The following TAF5L variants were observed in gnomAD, a reference collection of about 807,000 sequenced individuals.
TAF5L encodes TAF5-like RNA polymerase II p300/CBP-associated factor-associated factor 65 kDa subunit 5L.
A neutral mutation model predicts 51.3 loss-of-function variants in TAF5L; 7 were observed. The ratio of observed to expected loss-of-function variants is 0.14; its 90% CI spans 0.08 to 0.26. The LOEUF (loss-of-function observed/expected upper bound fraction) is 0.26. Among genes scored for constraint, TAF5L ranks in the 10% least tolerant of loss-of-function variants. TAF5L has a pLI of 1.00. For synonymous variants in TAF5L, 291 were observed against 308.1 expected, an observed-to-expected ratio of 0.94 and a Z score of 0.58; for missense variants, 575 against 758.9, an observed-to-expected ratio of 0.76 and a Z score of 2.85.
intron 2 of TAF5L, chr1:229,614,018 G>C: frequency 1.7e-6 from 1 of 591,948 alleles, no homozygotes; most frequent in Non-Finnish European, 3.0e-6. Context: ...GTCCCTAAGG[G>C]TCTTGTAGGT....
At chr1:229,623,403 C>G (rs554546508) in intron 1 of TAF5L, among the ~76,000 whole-genome samples, 21 of 152,356 alleles carry the variant, frequency 1.4e-4, no homozygotes, top group African/African-American at 4.6e-4. Flanking sequence ...CTGGACCAAT[C>G]CTTGGTTCTT....
chr1:229,607,561 C>A (rs1664641572), intron 3 of TAF5L: 9 of 841,348 alleles, frequency 1.1e-5, no homozygotes, highest in African/African-American at 1.8e-5. Flanking sequence ...TGACTTAAAG[C>A]CTACCTCCTG....
In TAF5L at chr1:229,602,706, T is replaced by C. The variant is rs761848507; in HGVS notation, c.461A>G (p.Lys154Arg). The change falls in exon 4 of 5, where the codon AAG becomes AGG. Residue 154 changes from lysine (K) to arginine (R), a missense_variant. Around this residue, in one of 3 missense-constraint regions of TAF5L, gnomAD observed 380 missense variants for 443.7 expected, o/e 0.86. Coordinates refer to ENST00000258281, the Ensembl canonical transcript of TAF5L. The surrounding 1 kb of genome is among the most constrained non-coding windows in gnomAD (Gnocchi z 4.6). The stretch of plus-strand genomic sequence containing the variant: ...CTTGTTATCTAGGAATGCTCGAAGC[T>C]TGAAGTTAGATAGGATGTCCTGGAT... 9 of 1,614,046 alleles carry C rather than the reference T, an allele frequency of 5.6e-6. No homozygotes were observed. In the African/African-American group the frequency reaches 9.3e-5, roughly 17 times the overall value.
intron 1 of TAF5L, among the ~76,000 whole-genome samples, chr1:229,618,958 T>C (rs1028855608): frequency 2.6e-5 from 4 of 152,254 alleles, no homozygotes; most frequent in African/African-American, 9.6e-5. Flanking sequence ...GCAAACTCAC[T>C]ACACAATCCT....
Position 229,602,924 on chromosome 1 carries a change from A to G in TAF5L, c.248-5T>C, listed in dbSNP as rs1225927870. ...GGCTATGCTGGGAATCAGAATCTAT[A>G]ATGAAAGAAAAAGAAGGCTTTATAA... On this transcript the variant is annotated splice_polypyrimidine_tract_variant and splice_region_variant and intron_variant, in intron 3 of 4. Transcript: ENST00000258281. The surrounding 1 kb of genome is among the most constrained non-coding windows in gnomAD (Gnocchi z 4.6). 2 of 1,579,104 alleles carry G rather than the reference A, an allele frequency of 1.3e-6. No homozygotes were observed. The highest frequency in any genetic ancestry group is 3.6e-5 in the Admixed American group (2 of 55,448).
In TAF5L at chr1:229,602,390, G is replaced by C. The variant is rs1328214834; in HGVS notation, c.777C>G (p.Ile259Met). ...CTGTGTTATAGAAGGCATAGAAGCAGATGGTAGTGAGGGAGGGAGGCCCAT... is the reference window on the plus strand; with the variant it reads ...CTGTGTTATAGAAGGCATAGAAGCACATGGTAGTGAGGGAGGGAGGCCCAT... Residue 259 changes from isoleucine (I) to methionine (M), a missense_variant, in exon 4 of 5, where the codon ATC becomes ATG. Physicochemically the swap from Ile to Met is conservative, Grantham distance 10 (BLOSUM62 1). This residue lies in a region of TAF5L where 380 missense variants were observed against 443.7 expected (regional missense o/e 0.86). Transcript: ENST00000258281. The surrounding 1 kb of genome is among the most constrained non-coding windows in gnomAD (Gnocchi z 4.6). 1.2e-6 allele frequency: 2 copies of C among 1,614,190 alleles called. No individual in the cohort carries two copies. Among genetic ancestry groups the C allele is most frequent in the Admixed American group, 1.7e-5 (1 of 60,026 alleles).
At chr1:229,597,610 C>G (rs951531354) in intron 4 of TAF5L, among the ~76,000 whole-genome samples, 1 of 152,220 alleles carries the variant, frequency 6.6e-6, no homozygotes, top group Non-Finnish European at 1.5e-5. Context: ...TCACTTCTCT[C>G]TCCTGCCGAC....
intron 3 of TAF5L, among the ~76,000 whole-genome samples, chr1:229,609,058 G>T (rs1206891309): frequency 6.6e-6 from 1 of 152,056 alleles, no homozygotes; most frequent in Admixed American, 6.6e-5. Context: ...TCCTTCATTC[G>T]TTCAGCCTGT....
chr1:229,605,371 C>T (rs376343245), intron 3 of TAF5L, among the ~76,000 whole-genome samples: 15 of 152,120 alleles, frequency 9.9e-5, no homozygotes, highest in African/African-American at 3.1e-4. Context: ...TTTGCATTCT[C>T]CTCCGGGGAA....
intron 1 of TAF5L, among the ~76,000 whole-genome samples, chr1:229,624,432 A>G (rs1665345662): frequency 6.6e-6 from 1 of 152,202 alleles, no homozygotes; most frequent in Admixed American, 6.5e-5. Context: ...GACTACAGGG[A>G]ACCTAGAAGG....
chr1:229,624,242 C>T (rs1665333208), intron 1 of TAF5L, among the ~76,000 whole-genome samples: 1 of 152,182 alleles, frequency 6.6e-6, no homozygotes, highest in African/African-American at 2.4e-5. Flanking sequence ...CTCACATTTA[C>T]AGGCAGGAGC....
chr1:229,625,794 C>A lies in TAF5L; in HGVS notation c.-4+91G>T, dbSNP rs1665435186. On this transcript the variant is annotated intron_variant, in intron 1 of 4. Coordinates refer to ENST00000258281, the Ensembl canonical transcript of TAF5L. This position sits in a 1 kb window ranked among gnomAD's most constrained non-coding sequence, Gnocchi z 4.0. Reference sequence around the variant, plus strand: ...CGGCGGGAGCCAAGGCGCGCCCCGCCGAGGCCCCACCGCCCCGGCCCCCGC... The same window carrying A: ...CGGCGGGAGCCAAGGCGCGCCCCGCAGAGGCCCCACCGCCCCGGCCCCCGC... The A allele has an allele frequency of 7.3e-6, 1 of 137,412 alleles. No individual in the cohort carries two copies. The allele number at this position is 137,412 out of a possible 1,614,324, so 8.5% of individuals were successfully genotyped here.
rs367750184 is a variant in TAF5L, at chr1:229,594,855, G to C, written c.1212C>G (p.His404Gln). Residue 404 changes from histidine to glutamine, a missense_variant, in exon 5 of 5, where the codon CAC becomes CAG. Physicochemically the swap from His to Gln is conservative, Grantham distance 24. Around this residue, in one of 3 missense-constraint regions of TAF5L, gnomAD observed 104 missense variants for 218.3 expected, o/e 0.48. Coordinates refer to ENST00000258281, the Ensembl canonical transcript of TAF5L. The surrounding 1 kb of genome is among the most constrained non-coding windows in gnomAD (Gnocchi z 7.9). ...ATGACCACAGCCTGGCGGTGCGGTC[G>C]TGGGACCCGCTGGCGAAGTACAGGC... 1 of 1,614,168 alleles carries C rather than the reference G, an allele frequency of 6.2e-7. No individual in the cohort carries two copies. Among genetic ancestry groups the C allele is most frequent in the Non-Finnish European group, 8.5e-7 (1 of 1,180,028 alleles).
At chr1:229,621,398 ACATACC>A (rs11279802) in intron 1 of TAF5L, among the ~76,000 whole-genome samples, 20,461 of 152,108 alleles carry the variant, frequency 0.13, 2,059 homozygotes, top group East Asian at 0.42. Flanking sequence ...GAAGTTATTA[ACATACC>A]CATCCACCTT....
At chr1:229,611,882 T>G (rs1410562622) in intron 2 of TAF5L, among the ~76,000 whole-genome samples, 1 of 152,192 alleles carries the variant, frequency 6.6e-6, no homozygotes, top group Non-Finnish European at 1.5e-5. Flanking sequence ...TTTCAACTAT[T>G]TAGTGACCCC....
intron 3 of TAF5L, chr1:229,606,835 C>G: frequency 1.0e-6 from 1 of 985,414 alleles, no homozygotes; most frequent in Non-Finnish European, 1.2e-6. Flanking sequence ...ATAGGACCTA[C>G]GGCAATAGGT....
In TAF5L at chr1:229,614,466, G is replaced by A. The variant is rs772903409; in HGVS notation, c.17C>T (p.Thr6Ile). Residue 6 changes from threonine to isoleucine, a missense_variant, in exon 2 of 5, where the codon ACC (threonine) becomes ATC (isoleucine). Around this residue, in one of 3 missense-constraint regions of TAF5L, gnomAD observed 380 missense variants for 443.7 expected, o/e 0.86. Transcript: ENST00000258281. ...GGACACTGCCATCTGAATCTGCTCG[G>A]TACGCACTCGTTTCATGACCTTCAA... The A allele has an allele frequency of 3.3e-5, 53 of 1,614,040 alleles. No homozygotes were observed. In the South Asian group the frequency reaches 5.7e-4, roughly 17 times the overall value.
At chr1:229,617,656 A>T (rs1665056274) in intron 1 of TAF5L, among the ~76,000 whole-genome samples, 1 of 152,230 alleles carries the variant, frequency 6.6e-6, no homozygotes, top group Admixed American at 6.5e-5. Flanking sequence ...GCAATGACAC[A>T]GTGTCCTCAA....
In TAF5L at chr1:229,602,341, T is replaced by C; in HGVS notation, c.826A>G (p.Ile276Val). The C allele has an allele frequency of 2.5e-6, 4 of 1,614,078 alleles. No individual in the cohort carries two copies. Among genetic ancestry groups the C allele is most frequent in the Non-Finnish European group, 3.4e-6 (4 of 1,180,012 alleles). ...GCAAGCAGCTTGCTATCGGGGGAGA[T>C]TTCTGCAGTGTTCAACAGCTGCTCT... Residue 276 changes from isoleucine (I) to valine (V), a missense_variant, in exon 4 of 5, where the codon ATC becomes GTC. This residue lies in a region of TAF5L where 380 missense variants were observed against 443.7 expected (regional missense o/e 0.86). Coordinates refer to ENST00000258281, the Ensembl canonical transcript of TAF5L. The surrounding 1 kb of genome is among the most constrained non-coding windows in gnomAD (Gnocchi z 4.6).
Sources: allele counts gnomAD v4.1 joint callset (sites outside exome capture counted in the v4.1 genomes callset), GRCh38; gene constraint gnomAD v4.1.1; regional missense constraint gnomAD v4.1.1; non-coding constraint Gnocchi (gnomAD v3.1); transcripts MANE v1.5; gene names NCBI Gene and HGNC (gene_info 2026-07-23, HGNC 2026-07-21).